Variants in RGS6 observed in about 807,000 individuals in gnomAD.
The protein encoded by RGS6 is regulator of G protein signaling 6, also known as regulator of G-protein signaling 6.
In RGS6, 30 loss-of-function variants were observed where a neutral mutation model predicts 78.5. The ratio of observed to expected loss-of-function variants is 0.38; its 90% CI spans 0.29 to 0.52. The LOEUF (loss-of-function observed/expected upper bound fraction) is 0.52, where lower values mean the gene tolerates loss of function less well. Among genes scored for constraint, RGS6 ranks in the 20% least tolerant of loss-of-function variants. The pLI, the probability that RGS6 is intolerant of heterozygous loss-of-function variation, is 0.85. For missense variants in RGS6, 495 were observed against 609.7 expected, an observed-to-expected ratio of 0.81 and a Z score of 1.98; for synonymous variants, 206 against 206.0, an observed-to-expected ratio of 1.00 and a Z score of 0.00.
At chr14:72,189,173 A>G (rs776121359) in intron 2 of RGS6, among the ~76,000 whole-genome samples, 60 of 152,196 alleles carry the variant, frequency 3.9e-4, no homozygotes, top group Admixed American at 1.2e-3. Context: ...GATAATATTA[A>G]ACAATTGAGT....
chr14:72,284,972 C>T lies in RGS6; in HGVS notation c.85-67123C>T, dbSNP rs181375595. 6.0e-3 allele frequency among the ~76,000 whole-genome samples: 910 copies of T among 152,284 alleles called. 7 individuals carry two copies. Among genetic ancestry groups the T allele is most frequent in the Non-Finnish European group, 8.8e-3 (596 of 68,026 alleles). On this transcript the variant is annotated intron_variant, in intron 2 of 17. Transcript: ENST00000553525. ...GCTGGATTTTGGACTTGGATGGGAC[C>T]TTTAGCCCCCTCATTTTGGCCAATT...
chr14:72,394,241 T>C (rs1009661814), intron 3 of RGS6, among the ~76,000 whole-genome samples: 1 of 152,048 alleles, frequency 6.6e-6, no homozygotes, highest in Non-Finnish European at 1.5e-5. Context: ...GCAGGTTCTG[T>C]GATGCCCCCT....
chr14:72,263,137 A>T (rs2058460966), intron 2 of RGS6, among the ~76,000 whole-genome samples: 1 of 152,194 alleles, frequency 6.6e-6, no homozygotes, highest in Admixed American at 6.5e-5. Context: ...TTCCAGGCAG[A>T]TCAAACTGTA....
chr14:72,175,705 G>C (rs2097095871), intron 2 of RGS6, among the ~76,000 whole-genome samples: 1 of 152,220 alleles, frequency 6.6e-6, no homozygotes, highest in South Asian at 2.1e-4. Context: ...TTCCTCAAGG[G>C]TGGGGACTGC....
intron 2 of RGS6, among the ~76,000 whole-genome samples, chr14:72,309,166 C>T (rs561477134): frequency 6.6e-6 from 1 of 152,276 alleles, no homozygotes; most frequent in South Asian, 2.1e-4. Context: ...CGGAGCTGTT[C>T]TAGGGAAGCC....
chr14:71,871,502 A>AT, the RGS6 span, among the ~76,000 whole-genome samples: 3 of 151,882 alleles, frequency 2.0e-5, no homozygotes, highest in Non-Finnish European at 4.4e-5. Flanking sequence ...CTTTGATCTG[A>AT]TTTTTTTCCC....
chr14:72,054,805 A>C (rs902274365), intron 2 of RGS6, among the ~76,000 whole-genome samples: 3 of 152,148 alleles, frequency 2.0e-5, no homozygotes, highest in African/African-American at 7.2e-5. Context: ...ACATATCTAC[A>C]TGTAGCCTTA....
chr14:72,179,108 A>G (rs2097142158), intron 2 of RGS6, among the ~76,000 whole-genome samples: 1 of 152,246 alleles, frequency 6.6e-6, no homozygotes, highest in African/African-American at 2.4e-5. Flanking sequence ...TGGAAAAGTA[A>G]GAAGCTGCTT....
rs571835043 is a variant in RGS6, at chr14:72,428,371, G to A, written c.185-26157G>A. Reference sequence around the variant, plus strand: ...TGAGTGGGTGGGTGGATGGTAGATGGCAGTGGATGAACAGATGAATGAATG... The same window carrying A: ...TGAGTGGGTGGGTGGATGGTAGATGACAGTGGATGAACAGATGAATGAATG... On this transcript the variant is annotated intron_variant, in intron 3 of 17. Transcript: ENST00000553525. 1.1e-4 allele frequency among the ~76,000 whole-genome samples: 16 copies of A among 152,198 alleles called. No homozygotes were observed. The South Asian group carries it at 3.3e-3, about 32-fold the overall frequency.
intron 13 of RGS6, among the ~76,000 whole-genome samples, chr14:72,504,921 A>ATTTTTTTTTTTTTTTT (rs34953560): frequency 1.8e-4 from 14 of 76,076 alleles, no homozygotes; most frequent in African/African-American, 7.2e-4. Flanking sequence ...CGCCCAGCTA[A>ATTTTTTTTTTTTTTTT]TTTTTTTTTT....
At chr14:71,927,490 C>T (rs2087731606), upstream of RGS6, among the ~76,000 whole-genome samples, 1 of 152,062 alleles carries the variant, frequency 6.6e-6, no homozygotes, top group South Asian at 2.1e-4. Context: ...ATACTGTCTC[C>T]TTGAGATGGG....
At position 72,009,858 on chromosome 14, in the gene RGS6, G is replaced by A. The variant is rs181444423; in HGVS notation, c.84+44983G>A. 9.2e-5 allele frequency among the ~76,000 whole-genome samples: 14 copies of A among 152,350 alleles called. No individual in the cohort carries two copies. In the East Asian group the frequency reaches 2.7e-3, roughly 29 times the overall value. On this transcript the variant is annotated intron_variant, in intron 2 of 17. Transcript: ENST00000553525. Reference sequence around the variant, plus strand: ...TAGGTGTTAAAGAAATATTTGTTGAGTGACTTGACACTATTTCTGCCTTTG... The same window carrying A: ...TAGGTGTTAAAGAAATATTTGTTGAATGACTTGACACTATTTCTGCCTTTG...
At chr14:72,619,751 G>GT in the RGS6 span, among the ~76,000 whole-genome samples, 4 of 152,272 alleles carry the variant, frequency 2.6e-5, no homozygotes, top group East Asian at 7.7e-4. Flanking sequence ...GGCAGTCGTC[G>GT]TACCTACCTT....
At chr14:72,038,602 T>A (rs1358361502) in intron 2 of RGS6, among the ~76,000 whole-genome samples, 1 of 152,200 alleles carries the variant, frequency 6.6e-6, no homozygotes, top group Non-Finnish European at 1.5e-5. Context: ...TCTAATTGTT[T>A]ACATAAATAT....
chr14:72,380,138 C>T lies in RGS6; in HGVS notation c.184+27944C>T, dbSNP rs577756454. Among the ~76,000 whole-genome samples the T allele has an allele frequency of 2.1e-4, 32 of 152,052 alleles. No individual in the cohort carries two copies. The East Asian group carries it at 2.7e-3, about 13-fold the overall frequency. Reference sequence around the variant, plus strand: ...CCATATACAGAAGAATGAAACTAGACGCTCATCTCTCATCCTATACTAAAG... The same window carrying T: ...CCATATACAGAAGAATGAAACTAGATGCTCATCTCTCATCCTATACTAAAG... On this transcript the variant is annotated intron_variant, in intron 3 of 17. Coordinates refer to ENST00000553525, the MANE Select transcript of RGS6 (RefSeq NM_001204424.2).
At chr14:72,228,517 A>G (rs1235281019) in intron 2 of RGS6, among the ~76,000 whole-genome samples, 2 of 152,238 alleles carry the variant, frequency 1.3e-5, no homozygotes, top group Admixed American at 6.5e-5. Flanking sequence ...TATTTGAGAA[A>G]GATAATTCTG....
the RGS6 span, among the ~76,000 whole-genome samples, chr14:71,884,726 T>C: frequency 6.6e-6 from 1 of 152,192 alleles, no homozygotes; most frequent in African/African-American, 2.4e-5. Context: ...CCAATCCTGT[T>C]TTCCACCTTT....
intron 15 of RGS6, among the ~76,000 whole-genome samples, chr14:72,535,013 C>T (rs1458398608): frequency 1.3e-5 from 2 of 152,230 alleles, no homozygotes; most frequent in Non-Finnish European, 2.9e-5. Context: ...CACATTCTCT[C>T]TTGGAACAGC....
intron 2 of RGS6, among the ~76,000 whole-genome samples, chr14:72,240,258 C>T (rs1347116453): frequency 1.3e-5 from 2 of 152,222 alleles, no homozygotes; most frequent in Non-Finnish European, 2.9e-5. Flanking sequence ...TGATCCTAAT[C>T]TGTCTGATCT....
Sources: allele counts gnomAD v4.1 joint callset (sites outside exome capture counted in the v4.1 genomes callset), GRCh38; gene constraint gnomAD v4.1.1; transcripts MANE v1.5; gene names NCBI Gene and HGNC (gene_info 2026-07-23, HGNC 2026-07-21).